The following SAMD4A variants were observed in gnomAD, a reference collection of about 807,000 sequenced individuals.
SAMD4A encodes protein Smaug homolog 1.
Under a neutral mutation model 81.3 loss-of-function variants are expected in SAMD4A, and 33 were observed. The observed-to-expected ratio is 0.41, with a 90% confidence interval of 0.31 to 0.54. SAMD4A has a LOEUF of 0.54. Ranked by LOEUF, SAMD4A falls within the 20% of genes least tolerant of loss-of-function variation. The pLI is 0.37. For missense variants in SAMD4A, 854 were observed against 951.1 expected, an observed-to-expected ratio of 0.90 and a Z score of 1.34; for synonymous variants, 389 against 382.1, an observed-to-expected ratio of 1.02 and a Z score of -0.21.
intron 9 of SAMD4A, among the ~76,000 whole-genome samples, chr14:54,770,639 G>GCT (rs1320130386): frequency 1.3e-5 from 2 of 152,228 alleles, no homozygotes; most frequent in Non-Finnish European, 2.9e-5. Flanking sequence ...CTGTAGACAA[G>GCT]CTAATTATAG....
rs1162076661 is a variant in SAMD4A at position 54,574,903 on chromosome 14, C to CT, written c.196+6792dup. ...GGCCTGGGGAGGTGGAGCTGAACTC[C>CT]TGGGATTGTAGTAGGCTCCCAGGTG... On this transcript the variant is annotated intron_variant, in intron 2 of 12. Transcript: ENST00000554335. Among the ~76,000 whole-genome samples, 3 of 152,158 alleles carry CT rather than the reference C, an allele frequency of 2.0e-5. No individual in the cohort carries two copies. The East Asian group carries it at 5.8e-4, about 29-fold the overall frequency.
chr14:54,659,434 CTCTT>C (rs1445269764), intron 2 of SAMD4A, among the ~76,000 whole-genome samples: 2 of 152,106 alleles, frequency 1.3e-5, no homozygotes, highest in Non-Finnish European at 2.9e-5. Flanking sequence ...CCGTCTGTCT[CTCTT>C]TTTGGTTTGT....
chr14:54,678,182 G>A (rs1193514802), intron 2 of SAMD4A, among the ~76,000 whole-genome samples: 2 of 152,136 alleles, frequency 1.3e-5, no homozygotes, highest in African/African-American at 4.8e-5. Context: ...TATGATTGGG[G>A]GACAAAAGGA....
At chr14:54,739,311 C>T (rs2037788334) in intron 4 of SAMD4A, among the ~76,000 whole-genome samples, 1 of 151,894 alleles carries the variant, frequency 6.6e-6, no homozygotes, top group Non-Finnish European at 1.5e-5. Flanking sequence ...AGAACTGTCT[C>T]CTCAGAGCCT....
chr14:54,567,832 G>A lies in SAMD4A; in HGVS notation c.-85G>A. 1 of 1,467,306 alleles carries A rather than the reference G, an allele frequency of 6.8e-7. No homozygotes were observed. Among genetic ancestry groups the A allele is most frequent in the Non-Finnish European group, 9.2e-7 (1 of 1,089,346 alleles). The allele number at this position is 1,467,306 out of a possible 1,614,324, so 90.9% of individuals were successfully genotyped here. A position where few individuals can be genotyped will look rare whatever the true frequency, so the allele number is the denominator to read the frequency against. ...AACAGGAACGCGTCTCCGGCCGCGG[G>A]GCTGCGGCTCCGCCAAACTTTGGGG... On this transcript the variant is annotated 5_prime_UTR_variant, in exon 2 of 13. Transcript: ENST00000554335.
chr14:54,600,405 T>C (rs934056849), intron 2 of SAMD4A, among the ~76,000 whole-genome samples: 1 of 152,230 alleles, frequency 6.6e-6, no homozygotes, highest in Admixed American at 6.5e-5. Flanking sequence ...AAACAAATCT[T>C]CATTAAGTTC....
chr14:54,655,689 G>T (rs1343066481), intron 2 of SAMD4A, among the ~76,000 whole-genome samples: 9 of 152,206 alleles, frequency 5.9e-5, no homozygotes, highest in Admixed American at 5.9e-4. Context: ...GATGAGCCAA[G>T]ATCATGCCAT....
At chr14:54,618,036 A>T (rs1363666871) in intron 2 of SAMD4A, among the ~76,000 whole-genome samples, 1 of 152,200 alleles carries the variant, frequency 6.6e-6, no homozygotes, top group Non-Finnish European at 1.5e-5. Context: ...TTTTTCCCGA[A>T]GGAGTTTGCA....
intron 2 of SAMD4A, among the ~76,000 whole-genome samples, chr14:54,569,296 C>T (rs1008131288): frequency 6.6e-6 from 1 of 152,182 alleles, no homozygotes; most frequent in African/African-American, 2.4e-5. Context: ...AGCCGGCCTA[C>T]TCATTCCTCC....
intron 2 of SAMD4A, among the ~76,000 whole-genome samples, chr14:54,621,104 G>C (rs1024611417): frequency 6.6e-6 from 1 of 152,164 alleles, no homozygotes; most frequent in South Asian, 2.1e-4. Context: ...AGACAGGAAG[G>C]GCTGACATCT....
At chr14:54,636,487 T>C (rs1206174839) in intron 2 of SAMD4A, among the ~76,000 whole-genome samples, 1 of 152,166 alleles carries the variant, frequency 6.6e-6, no homozygotes, top group Non-Finnish European at 1.5e-5. Context: ...TGACTTATAC[T>C]TTAAAAAGAG....
chr14:54,658,076 G>A (rs559387454), intron 2 of SAMD4A, among the ~76,000 whole-genome samples: 22 of 152,108 alleles, frequency 1.4e-4, no homozygotes, highest in Non-Finnish European at 2.6e-4. Context: ...TGGGAAAGTC[G>A]AGGCAGGCAG....
intron 2 of SAMD4A, among the ~76,000 whole-genome samples, chr14:54,643,949 G>A (rs1295519208): frequency 1.3e-5 from 2 of 152,144 alleles, no homozygotes; most frequent in African/African-American, 4.8e-5. Flanking sequence ...CTTCACACTG[G>A]GCGGGGAAGA....
rs910981292 is a variant in SAMD4A, at chr14:54,694,505, A to G, written c.197-7557A>G. The G allele has an allele frequency of 3.5e-5, 14 of 403,208 alleles. No individual in the cohort carries two copies. In the South Asian group the frequency reaches 4.1e-4, roughly 12 times the overall value. The allele number at this position is 403,208 out of a possible 1,614,324, so 25.0% of individuals were successfully genotyped here. ...AGTGAGAGCAAGAGTTGGGTTGTGG[A>G]CATGTTGACTTTGAGATCATCTGAG... On this transcript the variant is annotated intron_variant, in intron 2 of 12. Transcript: ENST00000554335.
intron 2 of SAMD4A, among the ~76,000 whole-genome samples, chr14:54,588,661 G>A (rs1417055330): frequency 6.6e-6 from 1 of 152,116 alleles, no homozygotes; most frequent in Non-Finnish European, 1.5e-5. Context: ...TGAAGAGGCT[G>A]TCATTATTTT....
intron 12 of SAMD4A, among the ~76,000 whole-genome samples, chr14:54,785,517 C>G (rs1290700461): frequency 6.6e-6 from 1 of 152,176 alleles, no homozygotes; most frequent in Non-Finnish European, 1.5e-5. Flanking sequence ...TTCCAATAGC[C>G]CTATCCAGTC....
intron 2 of SAMD4A, among the ~76,000 whole-genome samples, chr14:54,634,212 G>C (rs2034973780): frequency 6.7e-6 from 1 of 148,868 alleles, no homozygotes; most frequent in African/African-American, 2.5e-5. Flanking sequence ...CTTGAACCTG[G>C]GAGGCAGAGG....
intron 2 of SAMD4A, among the ~76,000 whole-genome samples, chr14:54,583,428 T>G (rs2033530778): frequency 6.6e-6 from 1 of 152,072 alleles, no homozygotes; most frequent in Admixed American, 6.6e-5. Flanking sequence ...CTGTAGGAGG[T>G]GTTCATCTGT....
intron 2 of SAMD4A, among the ~76,000 whole-genome samples, chr14:54,590,220 G>C (rs2033737452): frequency 6.6e-6 from 1 of 152,210 alleles, no homozygotes; most frequent in African/African-American, 2.4e-5. Context: ...AAGTTCTCAT[G>C]GTTCACGCCT....
Sources: gnomAD v4.1 joint callset for allele counts (sites outside exome capture counted in the v4.1 genomes callset) on GRCh38, gnomAD v4.1.1 for gene constraint, MANE v1.5 for transcripts, NCBI Gene and HGNC (gene_info 2026-07-23, HGNC 2026-07-21) for gene names.